Variants in SGCD observed in about 807,000 individuals in gnomAD.
SGCD encodes the protein delta-sarcoglycan.
In SGCD, 18 loss-of-function variants were observed where a neutral mutation model predicts 36.6. The observed-to-expected ratio is 0.49, with a 90% CI of 0.34 to 0.73. SGCD has a LOEUF of 0.73. Among genes scored for constraint, SGCD ranks in the 30% least tolerant of loss-of-function variants. The pLI, the probability that SGCD is intolerant of heterozygous loss-of-function variation, is 0.01. For missense variants in SGCD, 387 were observed against 346.7 expected (o/e 1.12, Z -0.92); for synonymous variants, 133 against 130.6 (o/e 1.02, Z -0.12).
the SGCD span, among the ~76,000 whole-genome samples, chr5:155,839,619 C>T: frequency 5.3e-3 from 803 of 152,218 alleles, 13 homozygotes; most frequent in African/African-American, 0.018. Context: ...AACATATCTC[C>T]TTCTCCCCCA....
At chr5:156,368,676 G>A (rs909177811) in intron 3 of SGCD, among the ~76,000 whole-genome samples, 10 of 152,210 alleles carry the variant, frequency 6.6e-5, no homozygotes, top group African/African-American at 1.7e-4. Flanking sequence ...TGTCAAAAGC[G>A]TGGTGGCATT....
intron 7 of SGCD, among the ~76,000 whole-genome samples, chr5:156,657,008 G>A (rs1462357629): frequency 6.6e-6 from 1 of 152,100 alleles, no homozygotes; most frequent in Non-Finnish European, 1.5e-5. Flanking sequence ...ATTAGACAAG[G>A]CTTGCACAAG....
chr5:156,298,576 CTTTTTTTTTTT>C (rs924228753), intron 3 of SGCD, among the ~76,000 whole-genome samples: 12 of 110,522 alleles, frequency 1.1e-4, no homozygotes, highest in African/African-American at 4.1e-4. Context: ...TTTTTCTTTT[CTTTTTTTTTTT>C]TTTTTTTTTG....
At chr5:156,475,868 G>A (rs1344812061) in intron 3 of SGCD, among the ~76,000 whole-genome samples, 2 of 152,188 alleles carry the variant, frequency 1.3e-5, no homozygotes, top group Non-Finnish European at 2.9e-5. Context: ...ACCTAGGGAA[G>A]GCAGAAAGAA....
At chr5:156,739,364 A>G (rs1277618414) in intron 7 of SGCD, among the ~76,000 whole-genome samples, 1 of 152,258 alleles carries the variant, frequency 6.6e-6, no homozygotes, top group African/African-American at 2.4e-5. Flanking sequence ...GATGCTGGGC[A>G]TAAACCAAGT....
At position 156,062,097 on chromosome 5, in the gene SGCD, C is replaced by A. The variant is rs1414131086; in HGVS notation, c.-281-55781C>A. On this transcript the variant is annotated intron_variant, in intron 1 of 9. Coordinates refer to the SGCD transcript ENST00000517913. ...TCCCTCCCCCCTCCCCCGACCCCAC[C>A]ACAGTCCCCAGAGTGTGATGTTCCC... Among the ~76,000 whole-genome samples, 24 of 84,476 alleles carry A rather than the reference C, an allele frequency of 2.8e-4. No individual in the cohort carries two copies. In the East Asian group the frequency reaches 6.0e-3, roughly 21 times the overall value. 55.4% of individuals were successfully genotyped at this position (84,476 alleles called of 152,430 possible).
chr5:156,170,993 CCTT>C (rs1485057548), intron 3 of SGCD, among the ~76,000 whole-genome samples: 6 of 152,186 alleles, frequency 3.9e-5, no homozygotes, highest in South Asian at 2.1e-4. Context: ...CAGGGAATAA[CCTT>C]CTTCTTTCTG....
chr5:156,080,250 G>C (rs1760915486), intron 1 of SGCD, among the ~76,000 whole-genome samples: 1 of 152,264 alleles, frequency 6.6e-6, no homozygotes, highest in Admixed American at 6.5e-5. Context: ...CCCCAGGCCT[G>C]GCCCATGAAA....
chr5:155,825,230 A>G, the SGCD span, among the ~76,000 whole-genome samples: 2 of 152,196 alleles, frequency 1.3e-5, no homozygotes, highest in African/African-American at 2.4e-5. Flanking sequence ...TAAGGAGGAA[A>G]AAAAGAAAAG....
chr5:155,901,844 C>A (rs1328861505), intron 1 of SGCD, among the ~76,000 whole-genome samples: 1 of 152,140 alleles, frequency 6.6e-6, no homozygotes, highest in Non-Finnish European at 1.5e-5. Flanking sequence ...TTATTACTTA[C>A]CTGTAGCTGA....
intron 1 of SGCD, 38 bp from the exon 2 acceptor site, chr5:156,329,496 T>C: frequency 6.9e-7 from 1 of 1,453,348 alleles, no homozygotes; most frequent in Non-Finnish European, 9.7e-7. Flanking sequence ...GGGCAGGCTC[T>C]TCAGACCTTA....
intron 3 of SGCD, among the ~76,000 whole-genome samples, chr5:156,300,107 C>G (rs1438635605): frequency 6.6e-6 from 1 of 151,980 alleles, no homozygotes; most frequent in African/African-American, 2.4e-5. Flanking sequence ...GCTATTTCTT[C>G]TATCCCCAGG....
At chr5:156,017,102 G>A (rs953203340) in intron 1 of SGCD, among the ~76,000 whole-genome samples, 1 of 152,026 alleles carries the variant, frequency 6.6e-6, no homozygotes, top group African/African-American at 2.4e-5. Context: ...CTAATGGTTG[G>A]GAAATTTGCA....
intron 1 of SGCD, among the ~76,000 whole-genome samples, chr5:156,012,566 T>G (rs1337472292): frequency 6.6e-6 from 1 of 152,160 alleles, no homozygotes; most frequent in East Asian, 1.9e-4. Flanking sequence ...TGTCTTTATC[T>G]CTAGAGTTAT....
chr5:156,082,511 T>G (rs1005908237), intron 1 of SGCD, among the ~76,000 whole-genome samples: 2 of 152,222 alleles, frequency 1.3e-5, no homozygotes, highest in African/African-American at 2.4e-5. Context: ...TGGCTTTAAC[T>G]CCACATAATC....
At chr5:156,495,405 C>T (rs970200357) in intron 3 of SGCD, among the ~76,000 whole-genome samples, 5 of 152,108 alleles carry the variant, frequency 3.3e-5, no homozygotes, top group African/African-American at 9.7e-5. Context: ...TCCCTGGAAA[C>T]CTTTCTCACA....
Position 156,757,263 on chromosome 5 carries a change from CAAAAAAAAAAAAA to C in SGCD, c.576-303_576-291del, listed in dbSNP as rs34767809. On this transcript the variant is annotated intron_variant, in intron 7 of 8. Coordinates refer to ENST00000337851, the MANE Select transcript of SGCD (RefSeq NM_000337.6). Reference sequence around the variant, plus strand: ...TAGATCCGGGATTGACTTACTTTTACAAAAAAAAAAAAAAAAAAAAAAAAAAAGCTTATATGAG... The same window carrying C: ...TAGATCCGGGATTGACTTACTTTTACAAAAAAAAAAAAAAGCTTATATGAG... Among the ~76,000 whole-genome samples, 562 of 69,402 alleles carry C rather than the reference CAAAAAAAAAAAAA, an allele frequency of 8.1e-3. 11 individuals carry two copies. Among genetic ancestry groups the C allele is most frequent in the African/African-American group, 0.029 (504 of 17,342 alleles). 45.5% of individuals were successfully genotyped at this position (69,402 alleles called of 152,430 possible). A position where few individuals can be genotyped will look rare whatever the true frequency, so the allele number is the denominator to read the frequency against.
At chr5:156,326,608 G>A (rs750732596), upstream of SGCD, 3 of 152,208 alleles carry the variant, frequency 2.0e-5, no homozygotes, top group Non-Finnish European at 4.4e-5. Flanking sequence ...TTAGGAAGCG[G>A]CAGGTAGGGA....
chr5:155,821,205 A>G, the SGCD span, among the ~76,000 whole-genome samples: 312 of 152,366 alleles, frequency 2.0e-3, no homozygotes, highest in Admixed American at 3.5e-3. Flanking sequence ...CCAAGTCTTC[A>G]GAGGCTTATT....
Sources: gnomAD v4.1 joint callset for allele counts (sites outside exome capture counted in the v4.1 genomes callset) on GRCh38, gnomAD v4.1.1 for gene constraint, MANE v1.5 for transcripts, NCBI Gene and HGNC (gene_info 2026-07-23, HGNC 2026-07-21) for gene names.